Variants in RNF220 observed in about 807,000 individuals in gnomAD.
The protein encoded by RNF220 is ring finger protein 220.
Under a neutral mutation model 67.1 loss-of-function variants are expected in RNF220, and 7 were observed. The ratio of observed to expected loss-of-function variants is 0.10; its 90% CI spans 0.06 to 0.20. The LOEUF is 0.20. Ranked by LOEUF, RNF220 falls within the 10% of genes least tolerant of loss-of-function variation. The pLI is 1.00. For missense variants in RNF220, 565 were observed against 740.3 expected (o/e 0.76, Z 2.75); for synonymous variants, 270 against 283.2 (o/e 0.95, Z 0.47).
chr1:44,587,125 ATCT>A (rs895633130), intron 2 of RNF220, among the ~76,000 whole-genome samples: 1 of 141,668 alleles, frequency 7.1e-6, no homozygotes, highest in African/African-American at 2.6e-5. Context: ...CCACTATTGT[ATCT>A]TCTTCTCTTC....
chr1:44,650,296 C>T lies in RNF220; in HGVS notation c.1629+339C>T. On this transcript the variant is annotated intron_variant, in intron 14 of 14. Transcript: ENST00000361799. This position sits in a 1 kb window ranked among gnomAD's most constrained non-coding sequence, Gnocchi z 4.3. Reference sequence around the variant, plus strand: ...AGGACCAGGGCCTTGGCCCCTCCCCCTCCCATTACTAAGCTCCTTCTGCTC... The same window carrying T: ...AGGACCAGGGCCTTGGCCCCTCCCCTTCCCATTACTAAGCTCCTTCTGCTC... 2.0e-6 allele frequency: 1 copy of T among 500,058 alleles called. No homozygotes were observed. The highest frequency in any genetic ancestry group is 2.5e-5 in the South Asian group (1 of 40,668). 31.0% of individuals were successfully genotyped at this position (500,058 alleles called of 1,614,324 possible). A position where few individuals can be genotyped will look rare whatever the true frequency, so the allele number is the denominator to read the frequency against.
At chr1:44,572,498 C>G (rs144519457) in intron 2 of RNF220, among the ~76,000 whole-genome samples, 7 of 152,304 alleles carry the variant, frequency 4.6e-5, no homozygotes, top group African/African-American at 1.4e-4. Flanking sequence ...ATGAAAAGCC[C>G]CTCTTTCATA....
intron 2 of RNF220, among the ~76,000 whole-genome samples, chr1:44,474,741 A>AATAAAT (rs1169087212): frequency 2.0e-5 from 3 of 152,030 alleles, no homozygotes; most frequent in East Asian, 3.8e-4. Context: ...ACAATACAAA[A>AATAAAT]ATAAATATAA....
chr1:44,552,045 A>C (rs1662678371), intron 2 of RNF220, among the ~76,000 whole-genome samples: 1 of 152,190 alleles, frequency 6.6e-6, no homozygotes, highest in Non-Finnish European at 1.5e-5. Context: ...TATGCCACCA[A>C]ACCGTGGACA....
rs1303082085 is a variant in RNF220 at position 44,624,629 on chromosome 1, G to A, written c.805-1668G>A. Among the ~76,000 whole-genome samples the A allele has an allele frequency of 6.6e-6, 1 of 152,094 alleles. No individual in the cohort carries two copies. The highest frequency in any genetic ancestry group is 1.5e-5 in the Non-Finnish European group (1 of 68,032). On this transcript the variant is annotated intron_variant, in intron 4 of 14. Transcript: ENST00000361799. The surrounding 1 kb of genome is among the most constrained non-coding windows in gnomAD (Gnocchi z 4.2). ...AGGGAAGCAGGTCGTGAGTGGAAGA[G>A]GCGAGAGAGAGAAGGTTCAAGCAAG...
intron 2 of RNF220, among the ~76,000 whole-genome samples, chr1:44,549,826 G>A (rs1662478530): frequency 6.6e-6 from 1 of 152,258 alleles, no homozygotes; most frequent in Admixed American, 6.5e-5. Context: ...ATCTTAGCTG[G>A]CAGACAGACC....
chr1:44,501,108 C>G (rs1230672143), intron 2 of RNF220, among the ~76,000 whole-genome samples: 2 of 150,592 alleles, frequency 1.3e-5, no homozygotes, highest in African/African-American at 4.9e-5. Flanking sequence ...GCCAGCTCTC[C>G]CTTTCCACCA....
chr1:44,479,913 C>A lies in RNF220; in HGVS notation c.625+67191C>A, dbSNP rs7538340. Among the ~76,000 whole-genome samples, 1,482 of 152,302 alleles carry A rather than the reference C, an allele frequency of 9.7e-3. 33 individuals are homozygous for A. Among genetic ancestry groups the A allele is most frequent in the African/African-American group, 0.034 (1,422 of 41,558 alleles). On this transcript the variant is annotated intron_variant, in intron 2 of 14. Transcript: ENST00000361799. ...TTTGCCTTAAGATCCCCTCCTTCAC[C>A]TTTGCTAGTTTATAAGATACGTTTC...
chr1:44,481,023 T>A (rs183192052), intron 2 of RNF220, among the ~76,000 whole-genome samples: 34 of 152,276 alleles, frequency 2.2e-4, no homozygotes, highest in African/African-American at 8.2e-4. Context: ...AACAGTTTAG[T>A]GGAATGACAG....
intron 2 of RNF220, among the ~76,000 whole-genome samples, chr1:44,432,993 G>A (rs1002311235): frequency 7.3e-5 from 11 of 150,354 alleles, no homozygotes; most frequent in South Asian, 2.1e-4. Flanking sequence ...GCAGTGATGC[G>A]ATCTCGGCTC....
intron 2 of RNF220, among the ~76,000 whole-genome samples, chr1:44,500,961 G>A (rs1657796432): frequency 6.6e-6 from 1 of 152,108 alleles, no homozygotes; most frequent in Non-Finnish European, 1.5e-5. Context: ...TCCTGTCAGA[G>A]AGTGGGCCTG....
At chr1:44,584,150 C>T (rs1433609140) in intron 2 of RNF220, among the ~76,000 whole-genome samples, 1 of 152,222 alleles carries the variant, frequency 6.6e-6, no homozygotes, top group African/African-American at 2.4e-5. Flanking sequence ...GCTCGAGCAG[C>T]CCAGGCTGCT....
At chr1:44,576,107 G>A (rs1664785995) in intron 2 of RNF220, among the ~76,000 whole-genome samples, 1 of 152,214 alleles carries the variant, frequency 6.6e-6, no homozygotes. Flanking sequence ...TTCCACTTGG[G>A]TGAACTACCA....
chr1:44,633,122 G>T (rs977335143), intron 6 of RNF220, among the ~76,000 whole-genome samples: 3 of 152,212 alleles, frequency 2.0e-5, no homozygotes, highest in African/African-American at 7.2e-5. Flanking sequence ...AGGCCATGGA[G>T]TTCAAGATCC....
Position 44,536,008 on chromosome 1 carries a change from G to T in RNF220, c.626-78157G>T, listed in dbSNP as rs186441686. The stretch of plus-strand genomic sequence containing the variant: ...GGGCCCTGAAACCTCATCCCAACTC[G>T]CTATTAAGCAAGGGTGCTCTTTTCT... On this transcript the variant is annotated intron_variant, in intron 2 of 14. Transcript: ENST00000361799. Among the ~76,000 whole-genome samples, 10 of 152,304 alleles carry T rather than the reference G, an allele frequency of 6.6e-5. No homozygotes were observed. In the East Asian group the frequency reaches 1.9e-3, roughly 29 times the overall value.
intron 2 of RNF220, among the ~76,000 whole-genome samples, chr1:44,564,044 G>A (rs1049038211): frequency 1.3e-5 from 2 of 152,176 alleles, no homozygotes; most frequent in Admixed American, 1.3e-4. Context: ...CTGCCTTCAA[G>A]GACTTGGAAT....
intron 2 of RNF220, among the ~76,000 whole-genome samples, chr1:44,485,634 G>A (rs746182563): frequency 3.3e-5 from 5 of 152,172 alleles, no homozygotes; most frequent in Non-Finnish European, 7.3e-5. Context: ...GTGTCACTGC[G>A]GTGACTCTCC....
At chr1:44,534,008 C>T (rs1181526087) in intron 2 of RNF220, among the ~76,000 whole-genome samples, 2 of 152,226 alleles carry the variant, frequency 1.3e-5, no homozygotes, top group East Asian at 1.9e-4. Context: ...CAGACTCTTG[C>T]TCTGTTGCCC....
intron 2 of RNF220, among the ~76,000 whole-genome samples, chr1:44,496,001 T>C (rs545815214): frequency 1.3e-5 from 2 of 152,332 alleles, no homozygotes; most frequent in African/African-American, 4.8e-5. Flanking sequence ...AGGGCTTTTA[T>C]ATATATGCCT....
Sources: allele counts gnomAD v4.1 joint callset (sites outside exome capture counted in the v4.1 genomes callset), GRCh38; gene constraint gnomAD v4.1.1; non-coding constraint Gnocchi (gnomAD v3.1); transcripts MANE v1.5; gene names NCBI Gene and HGNC (gene_info 2026-07-23, HGNC 2026-07-21).